Variants in LINGO1 observed in about 807,000 individuals in gnomAD.
The protein encoded by LINGO1 is leucine rich repeat and Ig domain containing 1.
In LINGO1, 11 loss-of-function variants were observed where a neutral mutation model predicts 37.3. That is an observed-to-expected ratio of 0.29 (90% CI 0.19 to 0.49). The LOEUF (loss-of-function observed/expected upper bound fraction) is 0.49. LINGO1 is among the 20% of genes least tolerant of loss of function. The probability of loss-of-function intolerance (pLI) is 0.99; values close to 1 mark genes in which losing one functional copy is unlikely to be tolerated. For synonymous variants in LINGO1, 387 were observed against 403.0 expected (o/e 0.96, Z 0.48); for missense variants, 585 against 878.2 (o/e 0.67, Z 4.22).
intron 1 of LINGO1, among the ~76,000 whole-genome samples, chr15:77,766,549 C>T (rs1017727576): frequency 3.9e-5 from 6 of 152,140 alleles, no homozygotes; most frequent in Admixed American, 6.5e-5. Context: ...AAAGGCAGGG[C>T]CAGGTAGAGG....
At chr15:77,801,709 C>T (rs181422338) in intron 1 of LINGO1, among the ~76,000 whole-genome samples, 41 of 152,210 alleles carry the variant, frequency 2.7e-4, no homozygotes, top group Middle Eastern at 6.8e-3. Flanking sequence ...CCAGTCCCAG[C>T]CCCACCCTCG....
intron 1 of LINGO1, among the ~76,000 whole-genome samples, chr15:77,796,630 C>T (rs1419806096): frequency 6.6e-6 from 1 of 152,130 alleles, no homozygotes; most frequent in Admixed American, 6.5e-5. Context: ...TGATGGGCAG[C>T]ACCGGGGTGC....
intron 1 of LINGO1, among the ~76,000 whole-genome samples, chr15:77,801,993 T>C (rs1046073861): frequency 6.6e-6 from 1 of 151,836 alleles, no homozygotes; most frequent in Non-Finnish European, 1.5e-5. Flanking sequence ...AAAGGGAACA[T>C]AGAAAGGGCC....
intron 1 of LINGO1, among the ~76,000 whole-genome samples, chr15:77,801,985 A>C (rs940226477): frequency 6.6e-6 from 1 of 152,196 alleles, no homozygotes; most frequent in African/African-American, 2.4e-5. Context: ...TGAGGGATAA[A>C]GGGAACATAG....
Position 77,732,033 on chromosome 15 carries a change from A to G in LINGO1, c.-195+2959T>C, listed in dbSNP as rs148083855. On this transcript the variant is annotated intron_variant, in intron 2 of 3. Coordinates refer to the LINGO1 transcript ENST00000561686. ...CCACGGCAATGACAATCACAACTCC[A>G]CTGACAGGCCCTCACCACGTGCCAG... Among the ~76,000 whole-genome samples the G allele has an allele frequency of 3.4e-3, 511 of 152,210 alleles. 7 individuals carry two copies. Among genetic ancestry groups the G allele is most frequent in the African/African-American group, 0.012 (487 of 41,528 alleles).
At chr15:77,800,505 GCCACCCCTCCCC>G (rs2076909580) in intron 1 of LINGO1, among the ~76,000 whole-genome samples, 13 of 152,142 alleles carry the variant, frequency 8.5e-5, no homozygotes, top group Admixed American at 8.5e-4. Flanking sequence ...GACGGATGGG[GCCACCCCTCCCC>G]TCCCCCAGAG....
At chr15:77,617,919 C>T (rs1195501350) in intron 1 of LINGO1, among the ~76,000 whole-genome samples, 1 of 152,174 alleles carries the variant, frequency 6.6e-6, no homozygotes, top group East Asian at 1.9e-4. Context: ...CTTTGTCCAC[C>T]CTGACCCTCC....
At chr15:77,699,610 A>T, upstream of LINGO1, among the ~76,000 whole-genome samples, 1 of 87,164 alleles carries the variant, frequency 1.1e-5, no homozygotes, top group East Asian at 3.4e-4. Context: ...ACACATACTA[A>T]CCATCATCTG....
At chr15:77,670,502 A>G (rs1374404811) in intron 3 of LINGO1, among the ~76,000 whole-genome samples, 1 of 152,076 alleles carries the variant, frequency 6.6e-6, no homozygotes, top group Admixed American at 6.5e-5. Context: ...GTGGGGCCCT[A>G]CCCGAGGCAC....
At chr15:77,644,544 T>C (rs2074581522) in intron 3 of LINGO1, among the ~76,000 whole-genome samples, 1 of 151,852 alleles carries the variant, frequency 6.6e-6, no homozygotes, top group Non-Finnish European at 1.5e-5. Flanking sequence ...TTGGTGGAGG[T>C]GCTAGCAATA....
chr15:77,666,544 CT>C (rs1343964824), intron 3 of LINGO1, among the ~76,000 whole-genome samples: 3 of 152,182 alleles, frequency 2.0e-5, no homozygotes, highest in Non-Finnish European at 2.9e-5. Context: ...AAGGAAATGA[CT>C]TAGGGGCTGA....
intron 3 of LINGO1, among the ~76,000 whole-genome samples, chr15:77,661,715 C>T (rs996932412): frequency 6.6e-6 from 1 of 152,250 alleles, no homozygotes; most frequent in African/African-American, 2.4e-5. Flanking sequence ...TACTGATCGC[C>T]CCACCCTCTG....
At chr15:77,781,328 TCTCACC>T (rs1282981512) in intron 1 of LINGO1, among the ~76,000 whole-genome samples, 1 of 152,152 alleles carries the variant, frequency 6.6e-6, no homozygotes, top group Non-Finnish European at 1.5e-5. Context: ...AAAGCCTCCC[TCTCACC>T]CAGCTCCCAC....
chr15:77,637,627 G>A (rs1291564454), upstream of LINGO1, among the ~76,000 whole-genome samples: 3 of 152,114 alleles, frequency 2.0e-5, no homozygotes, highest in African/African-American at 7.2e-5. The surrounding 1 kb of genome is among the most constrained non-coding windows in gnomAD (Gnocchi z 4.6). Context: ...CTTGATAAAT[G>A]CAGGTATTTT....
At chr15:77,780,430 G>T (rs114342720) in intron 1 of LINGO1, among the ~76,000 whole-genome samples, 1,856 of 152,086 alleles carry the variant, frequency 0.012, 37 homozygotes, top group African/African-American at 0.043. Flanking sequence ...GCCCCCAAGT[G>T]CAGCCTTATC....
chr15:77,790,795 G>A (rs1008771555), upstream of LINGO1, among the ~76,000 whole-genome samples: 8 of 152,146 alleles, frequency 5.3e-5, no homozygotes, highest in African/African-American at 1.7e-4. Flanking sequence ...TCAGGGAGGC[G>A]GATTCAGCTC....
At chr15:77,688,854 C>T (rs190284092) in intron 2 of LINGO1, among the ~76,000 whole-genome samples, 32 of 152,314 alleles carry the variant, frequency 2.1e-4, no homozygotes, top group African/African-American at 7.7e-4. Flanking sequence ...AGAAATAGGC[C>T]ACAAACCAAC....
intron 2 of LINGO1, among the ~76,000 whole-genome samples, chr15:77,795,629 A>G (rs964525585): frequency 6.6e-6 from 1 of 152,190 alleles, no homozygotes; most frequent in Admixed American, 6.5e-5. Context: ...TTTGGTCAAC[A>G]ATGTGACAGG....
At chr15:77,622,303 G>A (rs1402485922) in intron 1 of LINGO1, among the ~76,000 whole-genome samples, 1 of 152,002 alleles carries the variant, frequency 6.6e-6, no homozygotes, top group East Asian at 1.9e-4. Context: ...AGTGGGGGGA[G>A]GGGAGAAAGA....
Sources: allele counts gnomAD v4.1 joint callset (sites outside exome capture counted in the v4.1 genomes callset), GRCh38; gene constraint gnomAD v4.1.1; non-coding constraint Gnocchi (gnomAD v3.1); transcripts MANE v1.5; gene names NCBI Gene and HGNC (gene_info 2026-07-23, HGNC 2026-07-21).